DMXL1: variants seen among roughly 807,000 people sequenced by gnomAD.
DMXL1 encodes the protein Dmx like 1, also known as dmX-like protein 1.
A neutral mutation model predicts 319.2 loss-of-function variants in DMXL1; 99 were observed. That is an observed-to-expected ratio of 0.31 (90% CI 0.26 to 0.37). DMXL1 has a LOEUF of 0.37. DMXL1 is among the 10% of genes least tolerant of loss of function. The pLI, the probability that DMXL1 is intolerant of heterozygous loss-of-function variation, is 1.00. For synonymous variants in DMXL1, 1,385 were observed against 1,235.2 expected (o/e 1.12, Z -2.54); for missense variants, 3,745 against 3,595.6 (o/e 1.04, Z -1.06).
chr5:119,097,173 AGATGG>A, intron 1 of DMXL1, among the ~76,000 whole-genome samples: 1 of 152,324 alleles, frequency 6.6e-6, no homozygotes, highest in African/African-American at 2.4e-5. Context: ...GAATAGCCTG[AGATGG>A]GTTTATAGAA....
chr5:119,214,857 TC>T (rs1462804992), intron 34 of DMXL1, among the ~76,000 whole-genome samples: 1 of 152,122 alleles, frequency 6.6e-6, no homozygotes, highest in Non-Finnish European at 1.5e-5. Context: ...TCGAAAAAGC[TC>T]CCCAGGTGAA....
intron 24 of DMXL1, among the ~76,000 whole-genome samples, chr5:119,171,542 T>C (rs1187060254): frequency 4.0e-5 from 6 of 151,606 alleles, no homozygotes; most frequent in Admixed American, 2.6e-4. Flanking sequence ...GACAGACTTC[T>C]TATTGCAAGA....
At chr5:119,110,555 A>G (rs1192552047) in intron 5 of DMXL1, among the ~76,000 whole-genome samples, 2 of 152,214 alleles carry the variant, frequency 1.3e-5, no homozygotes, top group Non-Finnish European at 2.9e-5. Context: ...GAAAAGATAG[A>G]TGACTTTCAT....
chr5:119,216,094 CAAAAAAAAAAA>C (rs773591355), intron 34 of DMXL1, among the ~76,000 whole-genome samples: 14 of 37,362 alleles, frequency 3.7e-4, no homozygotes, highest in Admixed American at 2.1e-3. Context: ...GCATCCATCT[CAAAAAAAAAAA>C]AAAAAAAAAA....
chr5:119,150,116 G>A lies in DMXL1; in HGVS notation c.4289G>A (p.Ser1430Asn). The change falls in exon 18 of 44, where the codon AGT (serine) becomes AAT (asparagine). Residue 1430 changes from serine (S) to asparagine (N), a missense_variant. By Grantham distance (46) the Ser-to-Asn change is conservative (BLOSUM62 1). Transcript: ENST00000539542. The part of the protein sequence containing the change: ...YSSLEKSSNE[S>N]TLSKSNQLSK... ...TCTTTGGAGAAATCTAGTAATGAGA[G>A]TACGTTAAGTAAATCAAACCAATTA... The A allele has an allele frequency of 6.2e-7, 1 of 1,613,722 alleles. No individual in the cohort carries two copies.
rs545174147 is a variant in DMXL1 at position 119,248,675 on chromosome 5, C to T, written c.*1456C>T. On this transcript the variant is annotated 3_prime_UTR_variant, in exon 44 of 44. Transcript: ENST00000539542. ...GGTAAAATGAATTTTGTAATATCCT[C>T]AGGATACTTTTATCTTAAAAGTATG... The T allele has an allele frequency of 2.0e-5, 3 of 152,398 alleles. No individual in the cohort carries two copies. The highest frequency in any genetic ancestry group is 2.9e-5 in the Non-Finnish European group (2 of 67,906). The allele number at this position is 152,398 out of a possible 1,614,324, so 9.4% of individuals were successfully genotyped here.
intron 32 of DMXL1, among the ~76,000 whole-genome samples, chr5:119,201,071 C>G (rs151338328): frequency 2.6e-5 from 4 of 152,124 alleles, no homozygotes; most frequent in African/African-American, 9.7e-5. Flanking sequence ...CTTCCTCTTT[C>G]CTGCTTGCTC....
intron 13 of DMXL1, among the ~76,000 whole-genome samples, chr5:119,143,616 G>A (rs1767894342): frequency 6.6e-6 from 1 of 151,724 alleles, no homozygotes; most frequent in African/African-American, 2.4e-5. Context: ...CAGTTATCAA[G>A]CATTACTTTT....
In DMXL1 at chr5:119,171,163, G is replaced by A. The variant is rs765385134; in HGVS notation, c.6372G>A (p.Leu2124=). Residue 2124 remains leucine, a synonymous_variant, in exon 24 of 44, where the codon TTG becomes TTA. Coordinates refer to ENST00000539542, the MANE Select transcript of DMXL1 (RefSeq NM_001290321.3). ...ENFQEKRQWL[L]KYQSLLRMFL... is the part of the protein sequence containing the mutation. ...TTCAGGAAAAAAGACAGTGGCTCTT[G>A]AAGTATCAGTCACTTTTGAGAATGT... 4.3e-6 allele frequency: 7 copies of A among 1,613,846 alleles called. No individual in the cohort carries two copies. The African/African-American group carries it at 9.3e-5, about 22-fold the overall frequency.
chr5:119,173,351 C>CAAA (rs1251810129), intron 25 of DMXL1, among the ~76,000 whole-genome samples: 50 of 76,732 alleles, frequency 6.5e-4, no homozygotes, highest in African/African-American at 1.7e-3. Flanking sequence ...CACCCCCCGC[C>CAAA]AAAAAAAAAA....
intron 3 of DMXL1, among the ~76,000 whole-genome samples, chr5:119,104,494 C>T (rs761961995): frequency 1.2e-4 from 18 of 152,092 alleles, no homozygotes; most frequent in Admixed American, 9.8e-4. Flanking sequence ...TTGAGAGCCA[C>T]CACATTAAGA....
At chr5:119,141,007 A>G (rs1387850350) in intron 13 of DMXL1, among the ~76,000 whole-genome samples, 1 of 152,222 alleles carries the variant, frequency 6.6e-6, no homozygotes, top group African/African-American at 2.4e-5. Flanking sequence ...CAAAAAACAC[A>G]TAATTTTTTT....
chr5:119,081,774 G>C, intron 1 of DMXL1: 1 of 952,046 alleles, frequency 1.1e-6, no homozygotes, highest in South Asian at 4.8e-5. Context: ...GTTCTTACGT[G>C]TATTTGAAGG....
chr5:119,113,912 G>C (rs1760230430), intron 5 of DMXL1, among the ~76,000 whole-genome samples: 1 of 152,204 alleles, frequency 6.6e-6, no homozygotes, highest in South Asian at 2.1e-4. Context: ...TGATAGTGGT[G>C]AGTGTCTTGA....
chr5:119,119,380 A>C (rs971452826), intron 8 of DMXL1, among the ~76,000 whole-genome samples: 1 of 152,122 alleles, frequency 6.6e-6, no homozygotes, highest in African/African-American at 2.4e-5. Context: ...TAGAAAACCC[A>C]CCCCACCCCC....
At chr5:119,207,428 G>C (rs1266106005) in intron 34 of DMXL1, among the ~76,000 whole-genome samples, 1 of 152,102 alleles carries the variant, frequency 6.6e-6, no homozygotes, top group African/African-American at 2.4e-5. Flanking sequence ...AAGTACTCAT[G>C]GTACTTGAGA....
chr5:119,176,102 T>G (rs1307427355), intron 26 of DMXL1, among the ~76,000 whole-genome samples: 3 of 152,098 alleles, frequency 2.0e-5, no homozygotes, highest in African/African-American at 4.8e-5. Flanking sequence ...GATTCATTAT[T>G]CAGCAATGTC....
intron 28 of DMXL1, among the ~76,000 whole-genome samples, chr5:119,181,848 A>G (rs4257802): frequency 6.6e-6 from 1 of 152,216 alleles, no homozygotes; most frequent in South Asian, 2.1e-4. Context: ...GAAAGAGGAA[A>G]GGAAAGAAGC....
intron 5 of DMXL1, among the ~76,000 whole-genome samples, chr5:119,111,958 T>C (rs939347252): frequency 6.6e-6 from 1 of 151,866 alleles, no homozygotes; most frequent in Admixed American, 6.5e-5. Context: ...ACAGTTGATA[T>C]TATCTTTATT....
Sources: gnomAD v4.1 joint callset for allele counts (sites outside exome capture counted in the v4.1 genomes callset) on GRCh38, gnomAD v4.1.1 for gene constraint, MANE v1.5 for transcripts, NCBI Gene and HGNC (gene_info 2026-07-23, HGNC 2026-07-21) for gene names.